The following CEP128 variants were observed in gnomAD, a reference collection of about 807,000 sequenced individuals.
CEP128 encodes centrosomal protein 128.
CEP128 carries 132 observed loss-of-function variants against 156.7 expected under a neutral mutation model. The observed-to-expected ratio is 0.84, with a 90% CI of 0.73 to 0.97. The LOEUF (loss-of-function observed/expected upper bound fraction) is 0.97, where lower values mean the gene tolerates loss of function less well. Among genes scored for constraint, CEP128 ranks in the 50% least tolerant of loss-of-function variants. The pLI is 0.00. For missense variants in CEP128, 1,252 were observed against 1,281.9 expected (o/e 0.98, Z 0.36); for synonymous variants, 469 against 448.9 (o/e 1.04, Z -0.57).
chr14:80,808,318 G>C (rs1411938551), intron 13 of CEP128, among the ~76,000 whole-genome samples: 5 of 152,248 alleles, frequency 3.3e-5, no homozygotes, highest in Non-Finnish European at 7.3e-5. Context: ...CTTGTGTAAG[G>C]TCAGGATCCC....
At position 80,732,515 on chromosome 14, in the gene CEP128, T is replaced by C. The variant is rs72690970; in HGVS notation, c.2806+10560A>G. ...GTGTGTGTGTGTGTGTGTGTGTGTG[T>C]GTGTGGTTTCTCCAATAAAACCTGT... is the stretch of plus-strand genomic sequence containing the variant. On this transcript the variant is annotated intron_variant, in intron 19 of 24. Coordinates refer to ENST00000555265, the MANE Select transcript of CEP128 (RefSeq NM_152446.5). 5.3e-3 allele frequency among the ~76,000 whole-genome samples: 781 copies of C among 147,980 alleles called. 6 individuals are homozygous for C. Among genetic ancestry groups the C allele is most frequent in the Middle Eastern group, 0.017 (5 of 294 alleles).
chr14:80,597,707 C>G (rs1233615775), intron 19 of CEP128, among the ~76,000 whole-genome samples: 1 of 150,668 alleles, frequency 6.6e-6, no homozygotes, highest in African/African-American at 2.4e-5. Flanking sequence ...AAATAATTAG[C>G]AAATAGAATT....
intron 21 of CEP128, among the ~76,000 whole-genome samples, chr14:80,556,549 G>A (rs1566777931): frequency 6.6e-6 from 1 of 152,276 alleles, no homozygotes; most frequent in East Asian, 1.9e-4. Flanking sequence ...AAATGGGCAT[G>A]TGACTGTGAC....
chr14:80,494,558 G>A (rs1036830784), downstream of CEP128, among the ~76,000 whole-genome samples: 2 of 152,056 alleles, frequency 1.3e-5, no homozygotes, highest in Non-Finnish European at 2.9e-5. Flanking sequence ...TAAACACAAT[G>A]TGTTATCTAA....
intron 21 of CEP128, among the ~76,000 whole-genome samples, chr14:80,551,061 A>G (rs1431630215): frequency 6.6e-6 from 1 of 152,158 alleles, no homozygotes; most frequent in Non-Finnish European, 1.5e-5. Context: ...CAATTCTTGA[A>G]TGTTTTCCTA....
At chr14:80,575,392 A>T (rs550176535) in intron 20 of CEP128, among the ~76,000 whole-genome samples, 1 of 152,242 alleles carries the variant, frequency 6.6e-6, no homozygotes, top group African/African-American at 2.4e-5. Flanking sequence ...TTGCCACATC[A>T]TGACTTTTTT....
chr14:80,884,425 G>A (rs1269847216), intron 8 of CEP128, among the ~76,000 whole-genome samples: 2 of 152,176 alleles, frequency 1.3e-5, no homozygotes, highest in Non-Finnish European at 2.9e-5. Flanking sequence ...AACACAGAAG[G>A]TGGGAGAGTT....
At chr14:80,862,123 TTG>T (rs1281728906) in intron 9 of CEP128, among the ~76,000 whole-genome samples, 11 of 152,218 alleles carry the variant, frequency 7.2e-5, no homozygotes, top group Admixed American at 7.2e-4. Context: ...TTAAATTGGT[TTG>T]ATAATAACCT....
chr14:80,553,345 C>T (rs986013920), intron 21 of CEP128, among the ~76,000 whole-genome samples: 4 of 152,140 alleles, frequency 2.6e-5, no homozygotes, highest in African/African-American at 9.7e-5. Flanking sequence ...TACATTTTTG[C>T]ATCTGATATG....
At chr14:80,846,024 T>C (rs1886582363) in intron 9 of CEP128, among the ~76,000 whole-genome samples, 2 of 152,190 alleles carry the variant, frequency 1.3e-5, no homozygotes, top group South Asian at 4.1e-4. Context: ...TTCATCATCG[T>C]CATAGCATTA....
intron 19 of CEP128, among the ~76,000 whole-genome samples, chr14:80,705,282 TTG>T (rs150297420): frequency 0.011 from 1,611 of 150,726 alleles, 30 homozygotes; most frequent in African/African-American, 0.035. Flanking sequence ...TTTATTCCAC[TTG>T]TGTGTGTGTG....
chr14:80,515,175 T>C (rs943239017), intron 23 of CEP128, among the ~76,000 whole-genome samples: 7 of 152,102 alleles, frequency 4.6e-5, no homozygotes, highest in Non-Finnish European at 8.8e-5. Context: ...CTCTATTGGG[T>C]CCATGATGAC....
intron 2 of CEP128, among the ~76,000 whole-genome samples, chr14:80,927,207 G>A (rs1048668357): frequency 6.6e-6 from 1 of 152,166 alleles, no homozygotes; most frequent in East Asian, 1.9e-4. Flanking sequence ...AAAAGAAACC[G>A]GACTGCAGGC....
rs527321685 is a variant in CEP128, at chr14:80,535,598, CGCAT to C, written c.2881-4716_2881-4713del. Among the ~76,000 whole-genome samples, 485 of 150,564 alleles carry C rather than the reference CGCAT, an allele frequency of 3.2e-3. 3 individuals are homozygous for C. The highest frequency in any genetic ancestry group is 0.011 in the African/African-American group (467 of 40,886). On this transcript the variant is annotated intron_variant, in intron 21 of 24. Transcript: ENST00000555265. Reference sequence around the variant, plus strand: ...ACACACTTGTGTGCACACACGCGCACGCATACATGCACACACTCACACACACACA... The same window carrying C: ...ACACACTTGTGTGCACACACGCGCACACATGCACACACTCACACACACACA...
intron 21 of CEP128, among the ~76,000 whole-genome samples, chr14:80,538,819 G>T (rs1889607177): frequency 6.6e-6 from 1 of 152,100 alleles, no homozygotes; most frequent in Admixed American, 6.5e-5. Flanking sequence ...CTCAGGGAAG[G>T]CTCCCCGGCT....
chr14:80,661,357 T>C (rs541161896), intron 19 of CEP128, among the ~76,000 whole-genome samples: 2 of 152,272 alleles, frequency 1.3e-5, no homozygotes, highest in African/African-American at 4.8e-5. Context: ...CTTAAAGCCA[T>C]CATCAATATA....
intron 20 of CEP128, among the ~76,000 whole-genome samples, chr14:80,573,865 C>T (rs970629846): frequency 6.6e-6 from 1 of 152,156 alleles, no homozygotes; most frequent in Non-Finnish European, 1.5e-5. Flanking sequence ...GGCAAAGGGT[C>T]GCCCAACCTT....
upstream of CEP128, among the ~76,000 whole-genome samples, chr14:80,944,822 C>CAAAAAAAAAAAAAAAA (rs55662141): frequency 3.2e-4 from 11 of 34,664 alleles, no homozygotes; most frequent in Non-Finnish European, 4.1e-4. Flanking sequence ...GAGTCTGTCT[C>CAAAAAAAAAAAAAAAA]AAAAAAAAAA....
chr14:80,767,227 T>C (rs1490841382), intron 16 of CEP128, among the ~76,000 whole-genome samples: 3 of 152,108 alleles, frequency 2.0e-5, no homozygotes, highest in African/African-American at 4.8e-5. Context: ...ATGGATACTA[T>C]AGGAAACTTG....
Sources: allele counts gnomAD v4.1 joint callset (sites outside exome capture counted in the v4.1 genomes callset), GRCh38; gene constraint gnomAD v4.1.1; transcripts MANE v1.5; gene names NCBI Gene and HGNC (gene_info 2026-07-23, HGNC 2026-07-21).